TMEFF2: variants seen among roughly 807,000 people sequenced by gnomAD.
TMEFF2 encodes transmembrane protein with EGF like and two follistatin like domains 2, also known as tomoregulin-2.
Under a neutral mutation model 53.8 loss-of-function variants are expected in TMEFF2, and 28 were observed. That is an observed-to-expected ratio of 0.52 (90% CI 0.39 to 0.71). The LOEUF (loss-of-function observed/expected upper bound fraction) is 0.71, where lower values mean the gene tolerates loss of function less well. Among genes scored for constraint, TMEFF2 ranks in the 30% least tolerant of loss-of-function variants. TMEFF2 has a pLI of 0.00. For synonymous variants in TMEFF2, 162 were observed against 166.3 expected, an observed-to-expected ratio of 0.97 and a Z score of 0.20; for missense variants, 353 against 455.2, an observed-to-expected ratio of 0.78 and a Z score of 2.04.
intron 7 of TMEFF2, among the ~76,000 whole-genome samples, chr2:191,989,951 C>T (rs1003652862): frequency 6.6e-6 from 1 of 152,140 alleles, no homozygotes; most frequent in Non-Finnish European, 1.5e-5. Context: ...CCCTTCCACC[C>T]TCTCACAAAG....
At chr2:192,045,526 A>G (rs150484405) in intron 5 of TMEFF2, among the ~76,000 whole-genome samples, 134 of 152,332 alleles carry the variant, frequency 8.8e-4, no homozygotes, top group Non-Finnish European at 1.5e-3. Context: ...AATAAAGTGG[A>G]TAGAATAGCC....
At chr2:192,123,621 T>C (rs770956730) in intron 4 of TMEFF2, among the ~76,000 whole-genome samples, 2 of 152,230 alleles carry the variant, frequency 1.3e-5, no homozygotes, top group Non-Finnish European at 2.9e-5. Context: ...GGCACTGATA[T>C]TCCACTACAA....
intron 5 of TMEFF2, among the ~76,000 whole-genome samples, chr2:192,033,865 C>A (rs1053769976): frequency 1.3e-5 from 2 of 151,998 alleles, no homozygotes; most frequent in African/African-American, 4.8e-5. Flanking sequence ...AGGTTTGCAC[C>A]TCTTTCTCCT....
At chr2:192,076,259 C>T (rs1688429814) in intron 4 of TMEFF2, among the ~76,000 whole-genome samples, 1 of 152,040 alleles carries the variant, frequency 6.6e-6, no homozygotes, top group Non-Finnish European at 1.5e-5. Flanking sequence ...GAGAAACTCA[C>T]ATGCATTATT....
At position 192,194,273 on chromosome 2, in the gene TMEFF2, G is replaced by T. The variant is rs1574453430; in HGVS notation, c.172+80C>A. The T allele has an allele frequency of 1.3e-6, 2 of 1,544,214 alleles. No homozygotes were observed. The highest frequency in any genetic ancestry group is 2.7e-5 in the African/African-American group (2 of 73,744). On this transcript the variant is annotated intron_variant, in intron 1 of 9. Transcript: ENST00000272771. This position sits in a 1 kb window ranked among gnomAD's most constrained non-coding sequence, Gnocchi z 4.2. ...AGGAGGTGAGGGGCTGAGGAGGCGC[G>T]CTAGGGTAGGCTGGTCTGTGCTGGA... is the stretch of plus-strand genomic sequence containing the variant.
At chr2:192,137,654 G>A (rs536859690) in intron 4 of TMEFF2, among the ~76,000 whole-genome samples, 9 of 151,772 alleles carry the variant, frequency 5.9e-5, no homozygotes, top group Admixed American at 1.3e-4. Context: ...AAGTTCTCAG[G>A]CAAAACAATC....
chr2:192,125,075 T>C (rs557964994), intron 4 of TMEFF2, among the ~76,000 whole-genome samples: 279 of 152,326 alleles, frequency 1.8e-3, no homozygotes, highest in African/African-American at 5.8e-3. Context: ...AAAAGATCCA[T>C]TACCATTCCT....
chr2:191,985,888 G>A lies in TMEFF2; in HGVS notation c.745+12374C>T, dbSNP rs13003298. Among the ~76,000 whole-genome samples the A allele has an allele frequency of 5.3e-5, 8 of 152,212 alleles. No homozygotes were observed. In the South Asian group the frequency reaches 1.7e-3, roughly 32 times the overall value. ...TCAGGTCTATTCCTGTTCCAAGGAG[G>A]GTCTGTTACTTGGAGCCACCTAACA... On this transcript the variant is annotated intron_variant, in intron 7 of 9. Transcript: ENST00000272771.
intron 5 of TMEFF2, among the ~76,000 whole-genome samples, chr2:192,008,204 A>G (rs1248169485): frequency 1.3e-5 from 2 of 152,192 alleles, no homozygotes; most frequent in Non-Finnish European, 2.9e-5. Flanking sequence ...TCCAGGGTTG[A>G]TTTAAAATGA....
chr2:192,172,721 T>C (rs1402379930), intron 4 of TMEFF2, among the ~76,000 whole-genome samples: 1 of 151,912 alleles, frequency 6.6e-6, no homozygotes, highest in Admixed American at 6.6e-5. Flanking sequence ...GTAGAACAGA[T>C]GATTTCAGAA....
chr2:191,958,748 T>C (rs1168977962), intron 7 of TMEFF2, among the ~76,000 whole-genome samples: 1 of 152,224 alleles, frequency 6.6e-6, no homozygotes, highest in African/African-American at 2.4e-5. Context: ...TGGAGTGCTC[T>C]GTTATGCTGC....
Position 192,075,285 on chromosome 2 carries a change from T to TTATATATATATATATATAAATATA in TMEFF2, c.440-17511_440-17510insTATATTTATATATATATATATATA, listed in dbSNP as rs59510075. Reference sequence around the variant, plus strand: ...TTATTATACCCAGAGTACAGTACTATTATATATATATATATATATATATAT... The same window carrying TTATATATATATATATATAAATATA: ...TTATTATACCCAGAGTACAGTACTATTATATATATATATATATAAATATATATATATATATATATATATATATAT... On this transcript the variant is annotated intron_variant, in intron 4 of 9. Coordinates refer to ENST00000272771, the MANE Select transcript of TMEFF2 (RefSeq NM_016192.4). Among the ~76,000 whole-genome samples, 98 of 65,732 alleles carry TTATATATATATATATATAAATATA rather than the reference T, an allele frequency of 1.5e-3. 2 individuals are homozygous for TTATATATATATATATATAAATATA. The highest frequency in any genetic ancestry group is 7.3e-3 in the South Asian group (10 of 1,364). The allele number at this position is 65,732 out of a possible 152,430, so 43.1% of individuals were successfully genotyped here. A position where few individuals can be genotyped will look rare whatever the true frequency, so the allele number is the denominator to read the frequency against.
At chr2:192,118,324 T>C (rs1397403714) in intron 4 of TMEFF2, among the ~76,000 whole-genome samples, 1 of 152,154 alleles carries the variant, frequency 6.6e-6, no homozygotes, top group East Asian at 1.9e-4. Flanking sequence ...TCTGTAAGGA[T>C]TGTGTTTCTA....
chr2:192,154,671 G>A (rs140859664), intron 4 of TMEFF2, among the ~76,000 whole-genome samples: 1 of 151,868 alleles, frequency 6.6e-6, no homozygotes, highest in Admixed American at 6.6e-5. Flanking sequence ...TAGCAGGTAC[G>A]TTCTTTTCTC....
chr2:192,170,828 T>C (rs1329899290), intron 4 of TMEFF2, among the ~76,000 whole-genome samples: 2 of 152,096 alleles, frequency 1.3e-5, no homozygotes, highest in Non-Finnish European at 2.9e-5. Context: ...TTGGTTTGAC[T>C]CATTGAGCCA....
At chr2:192,053,886 T>C (rs1214583275) in intron 5 of TMEFF2, among the ~76,000 whole-genome samples, 1 of 152,198 alleles carries the variant, frequency 6.6e-6, no homozygotes, top group Non-Finnish European at 1.5e-5. Flanking sequence ...TTCATGGCCA[T>C]GACTAAATAC....
chr2:192,136,020 G>A (rs562272291), intron 4 of TMEFF2, among the ~76,000 whole-genome samples: 1,852 of 151,748 alleles, frequency 0.012, 32 homozygotes, highest in African/African-American at 0.043. Flanking sequence ...CTCTCTTTTC[G>A]GACTCAGCCC....
Position 192,048,361 on chromosome 2 carries a change from A to AACACACACACACACAC in TMEFF2, c.536+9302_536+9317dup, listed in dbSNP as rs3053696. On this transcript the variant is annotated intron_variant, in intron 5 of 9. Transcript: ENST00000272771. ...GTAAAATATTATTAGATTCTCATAA[A>AACACACACACACACAC]ACACACACACACACACACACACACA... is the stretch of plus-strand genomic sequence containing the variant. Among the ~76,000 whole-genome samples the AACACACACACACACAC allele has an allele frequency of 4.4e-3, 631 of 143,242 alleles. 4 individuals carry two copies. The highest frequency in any genetic ancestry group is 0.014 in the African/African-American group (530 of 38,316). The allele number at this position is 143,242 out of a possible 152,430, so 94.0% of individuals were successfully genotyped here.
intron 7 of TMEFF2, among the ~76,000 whole-genome samples, chr2:191,963,880 T>G (rs1224237026): frequency 6.6e-6 from 1 of 152,208 alleles, no homozygotes; most frequent in African/African-American, 2.4e-5. Context: ...TGTTAATACT[T>G]AACATGGTCA....
Sources: gnomAD v4.1 joint callset for allele counts (sites outside exome capture counted in the v4.1 genomes callset) on GRCh38, gnomAD v4.1.1 for gene constraint, Gnocchi (gnomAD v3.1) non-coding constraint, MANE v1.5 for transcripts, NCBI Gene and HGNC (gene_info 2026-07-23, HGNC 2026-07-21) for gene names.